Variants in DIP2C observed in about 807,000 individuals in gnomAD.
DIP2C encodes the protein DIP2 acetate--CoA ligase C (putative), also known as disco-interacting protein 2 homolog C.
Under a neutral mutation model 192.4 loss-of-function variants are expected in DIP2C, and 33 were observed. The ratio of observed to expected loss-of-function variants is 0.17; its 90% CI spans 0.13 to 0.23. The LOEUF (loss-of-function observed/expected upper bound fraction) is 0.23. DIP2C is among the 10% of genes least tolerant of loss of function. The probability of loss-of-function intolerance (pLI) is 1.00; values close to 1 mark genes in which losing one functional copy is unlikely to be tolerated. For synonymous variants in DIP2C, 979 were observed against 864.1 expected, an observed-to-expected ratio of 1.13 and a Z score of -2.33; for missense variants, 1,537 against 2,110.1, an observed-to-expected ratio of 0.73 and a Z score of 5.32.
intron 1 of DIP2C, chr10:668,618 T>A (rs1370806361): frequency 6.6e-6 from 1 of 152,042 alleles, no homozygotes; most frequent in Non-Finnish European, 1.5e-5. Flanking sequence ...ACAACACACA[T>A]ACAACCCATG....
chr10:370,686 G>C (rs115135621), intron 17 of DIP2C, among the ~76,000 whole-genome samples: 1 of 152,110 alleles, frequency 6.6e-6, no homozygotes, highest in Non-Finnish European at 1.5e-5. Flanking sequence ...ATTCCTCAAC[G>C]GTTATCTAAG....
intron 29 of DIP2C, among the ~76,000 whole-genome samples, chr10:338,731 G>A (rs1359159507): frequency 6.6e-6 from 1 of 152,122 alleles, no homozygotes; most frequent in Non-Finnish European, 1.5e-5. Flanking sequence ...CCGATTCTTA[G>A]AACAAGCTCT....
chr10:596,101 A>T (rs1052284473), intron 1 of DIP2C, among the ~76,000 whole-genome samples: 1 of 152,144 alleles, frequency 6.6e-6, no homozygotes, highest in African/African-American at 2.4e-5. Flanking sequence ...CGGCTAAAGG[A>T]CCTTTTTTAA....
chr10:532,544 T>TGAGAGAGTATGGGTGAGA (rs1426491567), intron 1 of DIP2C, among the ~76,000 whole-genome samples: 2,326 of 113,336 alleles, frequency 0.021, 213 homozygotes, highest in East Asian at 0.051. Flanking sequence ...AGTATGGGTG[T>TGAGAGAGTATGGGTGAGA]GAGAGAGTAT....
intron 1 of DIP2C, among the ~76,000 whole-genome samples, chr10:528,455 C>T (rs1847185324): frequency 6.6e-6 from 1 of 151,874 alleles, no homozygotes; most frequent in Non-Finnish European, 1.5e-5. Context: ...GAACGCAGAC[C>T]ACTTGCTACT....
chr10:620,112 T>C, intron 1 of DIP2C, among the ~76,000 whole-genome samples: 1 of 152,186 alleles, frequency 6.6e-6, no homozygotes, highest in East Asian at 1.9e-4. Context: ...GCTGAATGTA[T>C]TTACGGAGGA....
In DIP2C at chr10:573,591, G is replaced by A. The variant is rs1366912162; in HGVS notation, c.86-87061C>T. Among the ~76,000 whole-genome samples the A allele has an allele frequency of 9.9e-5, 15 of 152,072 alleles. 1 individual carries two copies. Among genetic ancestry groups the A allele is most frequent in the Admixed American group, 9.8e-4 (15 of 15,280 alleles). ...CACCCAGCTAATTTTTGTGTTCTCA[G>A]TAGAGATGGGGTTTCACCAGGTTGC... On this transcript the variant is annotated intron_variant, in intron 1 of 36. Coordinates refer to ENST00000280886, the MANE Select transcript of DIP2C (RefSeq NM_014974.3).
At chr10:641,171 A>G (rs1458514089) in intron 1 of DIP2C, among the ~76,000 whole-genome samples, 1 of 151,736 alleles carries the variant, frequency 6.6e-6, no homozygotes, top group African/African-American at 2.4e-5. Flanking sequence ...TCACCTTGGA[A>G]GATCTCAAGG....
At chr10:296,866 C>T (rs996574808) in intron 32 of DIP2C, among the ~76,000 whole-genome samples, 7 of 121,016 alleles carry the variant, frequency 5.8e-5, no homozygotes, top group Non-Finnish European at 7.9e-5. Context: ...GGAAGGGGAA[C>T]ATCACACACT....
At chr10:309,775 T>C (rs1281375668) in intron 32 of DIP2C, among the ~76,000 whole-genome samples, 2 of 152,092 alleles carry the variant, frequency 1.3e-5, no homozygotes, top group African/African-American at 4.8e-5. Context: ...GGTCTCGAAC[T>C]CCTGACCTCA....
intron 28 of DIP2C, among the ~76,000 whole-genome samples, chr10:341,838 C>T (rs978016843): frequency 2.0e-5 from 3 of 152,178 alleles, no homozygotes; most frequent in Non-Finnish European, 4.4e-5. Flanking sequence ...ATGATTACCA[C>T]TGCACTCCAG....
chr10:689,565 C>A lies in DIP2C; in HGVS notation c.14G>T (p.Ser5Ile), dbSNP rs756203269. 3.2e-6 allele frequency: 4 copies of A among 1,241,476 alleles called. No homozygotes were observed. The highest frequency in any genetic ancestry group is 1.8e-5 in the South Asian group (1 of 54,620). The allele number at this position is 1,241,476 out of a possible 1,614,324, so 76.9% of individuals were successfully genotyped here. A position where few individuals can be genotyped will look rare whatever the true frequency, so the allele number is the denominator to read the frequency against. MADR[S>I]LEGMALPLEV... The stretch of plus-strand genomic sequence containing the variant: ...CAGGGGCAGCGCCATGCCCTCCAGG[C>A]TGCGGTCCGCCATGCTCCGCGGGCG... Residue 5 changes from serine to isoleucine, a missense_variant, in exon 1 of 37, where the codon AGC (serine) becomes ATC (isoleucine). Coordinates refer to ENST00000280886, the MANE Select transcript of DIP2C (RefSeq NM_014974.3). The surrounding 1 kb of genome is among the most constrained non-coding windows in gnomAD (Gnocchi z 6.1).
intron 2 of DIP2C, among the ~76,000 whole-genome samples, 180 bp downstream of exon 2, chr10:486,279 G>A (rs996352480): frequency 6.6e-6 from 1 of 152,230 alleles, no homozygotes; most frequent in Non-Finnish European, 1.5e-5. Flanking sequence ...AATCCTCTGT[G>A]CCTTGTATAT....
chr10:665,834 T>C (rs1226298189), intron 1 of DIP2C: 7 of 152,072 alleles, frequency 4.6e-5, no homozygotes, highest in Non-Finnish European at 1.0e-4. Flanking sequence ...GCCAGGCTTA[T>C]CTCTTACAGG....
In DIP2C at chr10:472,610, C is replaced by A; in HGVS notation, c.158-61G>T. ...CTGTACTCAGCGGAGTCAGCAGACT[C>A]TAACAAATCATGCCCTCCATCCCCA... On this transcript the variant is annotated intron_variant, in intron 2 of 36. Transcript: ENST00000280886. 8.0e-6 allele frequency: 8 copies of A among 995,546 alleles called. No individual in the cohort carries two copies. The South Asian group carries it at 1.1e-4, about 13-fold the overall frequency. 61.7% of individuals were successfully genotyped at this position (995,546 alleles called of 1,614,324 possible). A position where few individuals can be genotyped will look rare whatever the true frequency, so the allele number is the denominator to read the frequency against.
At chr10:299,742 T>C (rs972691021) in intron 32 of DIP2C, among the ~76,000 whole-genome samples, 4 of 151,984 alleles carry the variant, frequency 2.6e-5, no homozygotes, top group African/African-American at 9.7e-5. Flanking sequence ...AAATCACATA[T>C]CTGTTAAGGG....
chr10:408,112 A>G (rs1395494618), intron 9 of DIP2C, among the ~76,000 whole-genome samples: 1 of 150,358 alleles, frequency 6.7e-6, no homozygotes, highest in Non-Finnish European at 1.5e-5. Flanking sequence ...TTTTGAATGA[A>G]TTTTTTGCAT....
At chr10:546,337 T>C (rs1312162140) in intron 1 of DIP2C, among the ~76,000 whole-genome samples, 1 of 150,666 alleles carries the variant, frequency 6.6e-6, no homozygotes, top group Non-Finnish European at 1.5e-5. Flanking sequence ...TACATGTTAA[T>C]AAACAGCACA....
chr10:609,435 G>C (rs980813794), intron 1 of DIP2C, among the ~76,000 whole-genome samples: 1 of 152,192 alleles, frequency 6.6e-6, no homozygotes, highest in African/African-American at 2.4e-5. Context: ...TGAAATACTA[G>C]CCACATCCTA....
Sources: allele counts gnomAD v4.1 joint callset (sites outside exome capture counted in the v4.1 genomes callset), GRCh38; gene constraint gnomAD v4.1.1; non-coding constraint Gnocchi (gnomAD v3.1); transcripts MANE v1.5; gene names NCBI Gene and HGNC (gene_info 2026-07-23, HGNC 2026-07-21).